CRADD: variants seen among roughly 807,000 people sequenced by gnomAD.
CRADD encodes death domain-containing protein CRADD.
Under a neutral mutation model 15.5 loss-of-function variants are expected in CRADD, and 9 were observed. The observed-to-expected ratio is 0.58, with a 90% confidence interval of 0.35 to 1.01. CRADD has a LOEUF of 1.01. Ranked by LOEUF, CRADD falls within the 50% of genes least tolerant of loss-of-function variation. The pLI, the probability that CRADD is intolerant of heterozygous loss-of-function variation, is 0.02. For missense variants in CRADD, 227 were observed against 250.3 expected, an observed-to-expected ratio of 0.91 and a Z score of 0.63; for synonymous variants, 118 against 107.6, an observed-to-expected ratio of 1.10 and a Z score of -0.60.
At chr12:93,704,423 A>G (rs1372625591) in intron 2 of CRADD, among the ~76,000 whole-genome samples, 1 of 152,172 alleles carries the variant, frequency 6.6e-6, no homozygotes, top group Non-Finnish European at 1.5e-5. Flanking sequence ...GTATTTTACC[A>G]CATTGTTCTA....
chr12:93,817,239 A>C (rs1435339923), intron 2 of CRADD, among the ~76,000 whole-genome samples: 4 of 152,156 alleles, frequency 2.6e-5, no homozygotes. Flanking sequence ...ACTTCCAGCC[A>C]GGTCTCTCCC....
chr12:93,771,872 G>A (rs1957088951), intron 2 of CRADD, among the ~76,000 whole-genome samples: 3 of 152,146 alleles, frequency 2.0e-5, no homozygotes, highest in Admixed American at 2.0e-4. Flanking sequence ...TATAGTGGGT[G>A]CACTTATACT....
At chr12:93,737,862 C>G (rs759209651) in intron 2 of CRADD, 1 of 169,576 alleles carries the variant, frequency 5.9e-6, no homozygotes, top group Non-Finnish European at 1.2e-5. Context: ...TAATTGCATG[C>G]TTTTTATGGA....
chr12:93,870,577 A>G (rs1958410010), intron 2 of CRADD, among the ~76,000 whole-genome samples: 1 of 152,140 alleles, frequency 6.6e-6, no homozygotes, highest in Admixed American at 6.6e-5. Context: ...CACCGCCACC[A>G]GTAGGGTGGA....
chr12:93,760,149 A>T (rs1322170834), intron 2 of CRADD, among the ~76,000 whole-genome samples: 1 of 152,200 alleles, frequency 6.6e-6, no homozygotes, highest in East Asian at 1.9e-4. Flanking sequence ...AAGAGGATAG[A>T]GAAAAAAATA....
intron 2 of CRADD, among the ~76,000 whole-genome samples, chr12:93,823,641 G>C (rs1266479616): frequency 6.6e-6 from 1 of 152,204 alleles, no homozygotes; most frequent in Non-Finnish European, 1.5e-5. Flanking sequence ...TACTTGAAGT[G>C]TGAATCCATT....
At chr12:93,693,588 T>C (rs1955627009) in intron 2 of CRADD, among the ~76,000 whole-genome samples, 1 of 151,978 alleles carries the variant, frequency 6.6e-6, no homozygotes, top group African/African-American at 2.4e-5. Flanking sequence ...AGCACCTAAA[T>C]ATATAAATCA....
intron 2 of CRADD, among the ~76,000 whole-genome samples, chr12:93,787,395 C>T (rs1957292013): frequency 6.7e-6 from 1 of 150,252 alleles, no homozygotes; most frequent in African/African-American, 2.5e-5. Flanking sequence ...ACATTTTTTG[C>T]CCCAAACCAG....
chr12:93,769,086 A>AT (rs959392774), intron 2 of CRADD, among the ~76,000 whole-genome samples: 550 of 146,312 alleles, frequency 3.8e-3, no homozygotes, highest in Non-Finnish European at 5.5e-3. Flanking sequence ...TACTTTATTT[A>AT]TTTTTTTTTT....
downstream of CRADD, among the ~76,000 whole-genome samples, chr12:93,852,172 T>C (rs922958591): frequency 8.5e-5 from 13 of 152,242 alleles, no homozygotes; most frequent in East Asian, 1.9e-4. Flanking sequence ...CTGGGACTTA[T>C]TACATTGCTG....
At chr12:93,709,489 A>G (rs898548143) in intron 2 of CRADD, among the ~76,000 whole-genome samples, 1 of 152,122 alleles carries the variant, frequency 6.6e-6, no homozygotes, top group Non-Finnish European at 1.5e-5. Context: ...TTCAGCTCCC[A>G]CTAAAAAGTG....
At chr12:93,825,587 AT>A (rs1957814671) in intron 2 of CRADD, among the ~76,000 whole-genome samples, 1 of 152,204 alleles carries the variant, frequency 6.6e-6, no homozygotes, top group African/African-American at 2.4e-5. Context: ...CATGTGTCAT[AT>A]TTGTCATACA....
At chr12:93,872,713 T>A (rs1471537058) in intron 2 of CRADD, among the ~76,000 whole-genome samples, 2 of 152,088 alleles carry the variant, frequency 1.3e-5, no homozygotes, top group African/African-American at 4.8e-5. Flanking sequence ...AGTGTTTTCA[T>A]CCTAGGTGTG....
Position 93,800,512 on chromosome 12 carries a change from A to G in CRADD, c.299-49458A>G, listed in dbSNP as rs186604722. Among the ~76,000 whole-genome samples the G allele has an allele frequency of 1.6e-4, 24 of 152,166 alleles. No individual in the cohort carries two copies. In the East Asian group the frequency reaches 4.1e-3, roughly 26 times the overall value. On this transcript the variant is annotated intron_variant, in intron 2 of 2. Coordinates refer to ENST00000332896, the MANE Select transcript of CRADD (RefSeq NM_003805.5). ...ACTGGATCATGGGGACGGTTCCCCCATGTTGTTCTTGTGATAATGAGTGAG... is the reference window on the plus strand; with the variant it reads ...ACTGGATCATGGGGACGGTTCCCCCGTGTTGTTCTTGTGATAATGAGTGAG...
chr12:93,783,358 CTTTTG>C (rs1957234836), intron 2 of CRADD, among the ~76,000 whole-genome samples: 1 of 151,072 alleles, frequency 6.6e-6, no homozygotes, highest in Non-Finnish European at 1.5e-5. Flanking sequence ...AATCTGAGCT[CTTTTG>C]TTTTATTTTA....
intron 2 of CRADD, among the ~76,000 whole-genome samples, chr12:93,764,603 G>A (rs559029648): frequency 7.9e-5 from 12 of 152,104 alleles, no homozygotes; most frequent in African/African-American, 2.4e-4. Flanking sequence ...TTTCATGGGT[G>A]GGGGAGGGTT....
intron 2 of CRADD, among the ~76,000 whole-genome samples, chr12:93,893,606 C>G (rs1481245525): frequency 6.6e-6 from 1 of 152,144 alleles, no homozygotes; most frequent in Non-Finnish European, 1.5e-5. Context: ...GAGCCATGTT[C>G]TTTAAATTTA....
intron 2 of CRADD, among the ~76,000 whole-genome samples, chr12:93,689,779 A>G (rs1955524663): frequency 6.6e-6 from 1 of 152,184 alleles, no homozygotes; most frequent in Non-Finnish European, 1.5e-5. Context: ...CAATTCTACC[A>G]TTTGTTGATA....
At chr12:93,774,019 A>G (rs1194480939) in intron 2 of CRADD, among the ~76,000 whole-genome samples, 6 of 111,400 alleles carry the variant, frequency 5.4e-5, no homozygotes, top group African/African-American at 1.7e-4. Flanking sequence ...TTTTTTTTGT[A>G]GAGATGGGGT....
Sources: gnomAD v4.1 joint callset for allele counts (sites outside exome capture counted in the v4.1 genomes callset) on GRCh38, gnomAD v4.1.1 for gene constraint, MANE v1.5 for transcripts, NCBI Gene and HGNC (gene_info 2026-07-23, HGNC 2026-07-21) for gene names.